MATCAP1: variants seen among roughly 807,000 people sequenced by gnomAD.
MATCAP1 encodes the protein microtubule-associated tyrosine carboxypeptidase 1.
At chr16:67,177,097 T>A in the MATCAP1 span, 1 of 765,988 alleles carries the variant, frequency 1.3e-6, no homozygotes, top group East Asian at 3.0e-5. Flanking sequence ...CCCCTCCTGA[T>A]CCACAATTAG....
At chr16:67,177,085 C>T in the MATCAP1 span, 4 of 907,882 alleles carry the variant, frequency 4.4e-6, no homozygotes, top group Non-Finnish European at 3.2e-6. Flanking sequence ...ACTTCTTCCT[C>T]TCCCCTCCTG....
At chr16:67,179,104 G>A in the MATCAP1 span, 1 of 1,186,464 alleles carries the variant, frequency 8.4e-7, no homozygotes, top group South Asian at 2.0e-5. This position sits in a 1 kb window ranked among gnomAD's most constrained non-coding sequence, Gnocchi z 5.2. Flanking sequence ...TGGCCTGGTG[G>A]GACCCTGAGG....
chr16:67,178,926 C>A, the MATCAP1 span: 111 of 423,734 alleles, frequency 2.6e-4, no homozygotes, highest in East Asian at 6.3e-3. Flanking sequence ...CCCAGAGCAA[C>A]AGGATTCTCG....
chr16:67,178,757 C>G, the MATCAP1 span: 3 of 690,354 alleles, frequency 4.3e-6, no homozygotes, highest in African/African-American at 5.3e-5. Context: ...GCCCCCCACC[C>G]TACACCCACG....
the MATCAP1 span, chr16:67,179,162 T>G: frequency 7.8e-7 from 1 of 1,275,756 alleles, no homozygotes; most frequent in Non-Finnish European, 9.9e-7. This position sits in a 1 kb window ranked among gnomAD's most constrained non-coding sequence, Gnocchi z 5.2. Context: ...CCCGCACTGT[T>G]GGGAGAAGTC....
the MATCAP1 span, chr16:67,179,465 T>C: frequency 6.2e-7 from 1 of 1,612,322 alleles, no homozygotes; most frequent in East Asian, 2.2e-5. This position sits in a 1 kb window ranked among gnomAD's most constrained non-coding sequence, Gnocchi z 5.2. Flanking sequence ...CAACCAGTAC[T>C]GGCGGGCTCC....
the MATCAP1 span, chr16:67,179,343 G>A: frequency 6.6e-7 from 1 of 1,518,708 alleles, no homozygotes; most frequent in South Asian, 1.3e-5. The surrounding 1 kb of genome is among the most constrained non-coding windows in gnomAD (Gnocchi z 5.2). Flanking sequence ...ACAAAAAGGG[G>A]AGTTATTGGG....
At chr16:67,178,362 C>T in the MATCAP1 span, 15 of 1,564,498 alleles carry the variant, frequency 9.6e-6, 1 homozygote, top group East Asian at 3.4e-4. Flanking sequence ...GCCACAGGAA[C>T]GGCTGCTTGC....
the MATCAP1 span, chr16:67,180,345 G>A: frequency 6.2e-7 from 1 of 1,612,604 alleles, no homozygotes; most frequent in Non-Finnish European, 8.5e-7. Flanking sequence ...CCGCCGGCCA[G>A]TACTATTTAC....
At chr16:67,180,246 A>G in the MATCAP1 span, 1 of 1,613,664 alleles carries the variant, frequency 6.2e-7, no homozygotes, top group Non-Finnish European at 8.5e-7. Context: ...AGTCTTAGCA[A>G]TGTGAGGCAG....
chr16:67,183,857 G>C, the MATCAP1 span: 1 of 172,028 alleles, frequency 5.8e-6, no homozygotes, highest in African/African-American at 2.4e-5. Context: ...GTCCGTCCGC[G>C]TGCCGTGCCC....
the MATCAP1 span, among the ~76,000 whole-genome samples, chr16:67,182,377 A>ACTGTAATGCTC: frequency 6.6e-6 from 1 of 151,904 alleles, no homozygotes; most frequent in Non-Finnish European, 1.5e-5. Context: ...ACCTCTTAAT[A>ACTGTAATGCTC]CTGTAATGCT....
the MATCAP1 span, chr16:67,183,780 G>T: frequency 6.0e-6 from 1 of 167,026 alleles, no homozygotes; most frequent in South Asian, 1.3e-4. Context: ...AGGAGACAAT[G>T]GAGTGGAGGC....
At chr16:67,180,588 T>C in the MATCAP1 span, 3 of 1,520,540 alleles carry the variant, frequency 2.0e-6, no homozygotes, top group Non-Finnish European at 1.8e-6. Flanking sequence ...ATCATACGCC[T>C]GAGCCCCTGA....
the MATCAP1 span, chr16:67,179,280 G>A: frequency 2.7e-6 from 4 of 1,489,110 alleles, no homozygotes; most frequent in African/African-American, 5.6e-5. This position sits in a 1 kb window ranked among gnomAD's most constrained non-coding sequence, Gnocchi z 5.2. Context: ...CAGAGGGCGG[G>A]AGGTGGCTGC....
the MATCAP1 span, among the ~76,000 whole-genome samples, chr16:67,182,910 G>A: frequency 1.2e-4 from 18 of 152,176 alleles, no homozygotes; most frequent in Non-Finnish European, 2.5e-4. Context: ...ATATTTGTAT[G>A]ATAGGTATAT....
At chr16:67,182,344 TGC>T in the MATCAP1 span, among the ~76,000 whole-genome samples, 1 of 152,184 alleles carries the variant, frequency 6.6e-6, no homozygotes, top group African/African-American at 2.4e-5. Flanking sequence ...CCTCCTACCT[TGC>T]TGGTCATCCC....
chr16:67,183,932 C>A, the MATCAP1 span: 2 of 194,842 alleles, frequency 1.0e-5, no homozygotes, highest in African/African-American at 4.8e-5. Flanking sequence ...CACCGGACGC[C>A]CAGCCGGCGG....
the MATCAP1 span, chr16:67,179,943 C>G: frequency 3.1e-6 from 5 of 1,614,214 alleles, no homozygotes; most frequent in Non-Finnish European, 4.2e-6. The surrounding 1 kb of genome is among the most constrained non-coding windows in gnomAD (Gnocchi z 5.2). Flanking sequence ...AGAACAGCCT[C>G]AATGATGCCA....
Sources: allele counts gnomAD v4.1 joint callset (sites outside exome capture counted in the v4.1 genomes callset), GRCh38; gene constraint gnomAD v4.1.1; non-coding constraint Gnocchi (gnomAD v3.1); transcripts MANE v1.5; gene names NCBI Gene and HGNC (gene_info 2026-07-23, HGNC 2026-07-21).